Variants in ANAPC1 observed in about 807,000 individuals in gnomAD.
ANAPC1 encodes the protein anaphase promoting complex subunit 1.
A neutral mutation model predicts 208.0 loss-of-function variants in ANAPC1; 36 were observed. The ratio of observed to expected loss-of-function variants is 0.17; its 90% CI spans 0.13 to 0.23. ANAPC1 has a LOEUF of 0.23. Ranked by LOEUF, ANAPC1 falls within the 10% of genes least tolerant of loss-of-function variation. The pLI, the probability that ANAPC1 is intolerant of heterozygous loss-of-function variation, is 1.00. For missense variants in ANAPC1, 942 were observed against 2,011.6 expected (o/e 0.47, Z 10.17); for synonymous variants, 378 against 695.2 (o/e 0.54, Z 7.18).
At chr2:111,816,745 A>T (rs1402879320) in intron 27 of ANAPC1, among the ~76,000 whole-genome samples, 2 of 140,110 alleles carry the variant, frequency 1.4e-5, no homozygotes, top group African/African-American at 5.4e-5. Flanking sequence ...GAGTTCTAAG[A>T]TGTTATGTAA....
intron 2 of ANAPC1, 169 bp downstream of exon 2, chr2:111,880,444 G>A (rs1683243634): frequency 2.5e-6 from 3 of 1,178,788 alleles, no homozygotes; most frequent in Non-Finnish European, 3.5e-6. Context: ...AAGTCGCTAT[G>A]ACAATGTAAT....
intron 43 of ANAPC1, among the ~76,000 whole-genome samples, chr2:111,781,544 G>A (rs1162637521): frequency 1.3e-5 from 2 of 152,280 alleles, no homozygotes; most frequent in African/African-American, 2.4e-5. Flanking sequence ...TCCGTACTTG[G>A]AAGAACAAAG....
At chr2:111,851,652 A>G (rs569706170) in intron 13 of ANAPC1, among the ~76,000 whole-genome samples, 76 of 151,874 alleles carry the variant, frequency 5.0e-4, no homozygotes, top group Admixed American at 8.5e-4. Context: ...TAAAAATTAA[A>G]AAAAAAAAAT....
Position 111,817,865 on chromosome 2 carries a change from T to C in ANAPC1, c.3325+975A>G, listed in dbSNP as rs962715700. Among the ~76,000 whole-genome samples, 6 of 111,810 alleles carry C rather than the reference T, an allele frequency of 5.4e-5. 1 individual carries two copies. The highest frequency in any genetic ancestry group is 1.6e-4 in the African/African-American group (5 of 31,830). 73.4% of individuals were successfully genotyped at this position (111,810 alleles called of 152,430 possible). A position where few individuals can be genotyped will look rare whatever the true frequency, so the allele number is the denominator to read the frequency against. On this transcript the variant is annotated intron_variant, in intron 27 of 47. Transcript: ENST00000341068. Reference sequence around the variant, plus strand: ...TTCAGTGATAATTTCAACTATGTAATTGTCACCTTTAGAACACATTCAAAT... The same window carrying C: ...TTCAGTGATAATTTCAACTATGTAACTGTCACCTTTAGAACACATTCAAAT...
intron 18 of ANAPC1, among the ~76,000 whole-genome samples, chr2:111,836,334 T>C (rs565441273): frequency 1.3e-4 from 19 of 151,862 alleles, no homozygotes; most frequent in African/African-American, 4.3e-4. Flanking sequence ...ATGTGAATTT[T>C]AATTTAAAAG....
At chr2:111,833,757 A>G (rs1680317521) in intron 19 of ANAPC1, among the ~76,000 whole-genome samples, 2 of 151,940 alleles carry the variant, frequency 1.3e-5, no homozygotes. Context: ...TATGGTTTGG[A>G]AATTACTTAA....
intron 17 of ANAPC1, among the ~76,000 whole-genome samples, chr2:111,839,706 A>G (rs1202909681): frequency 1.3e-5 from 2 of 152,226 alleles, no homozygotes; most frequent in Non-Finnish European, 2.9e-5. Flanking sequence ...AGCAACAAAT[A>G]TAACAGTAAC....
intron 21 of ANAPC1, among the ~76,000 whole-genome samples, chr2:111,829,495 G>A (rs1234352782): frequency 6.6e-6 from 1 of 152,066 alleles, no homozygotes; most frequent in Admixed American, 6.6e-5. Flanking sequence ...ACCTGGAAAG[G>A]CCCACAAGGG....
At chr2:111,866,920 T>C (rs1012139914) in intron 7 of ANAPC1, among the ~76,000 whole-genome samples, 15 of 152,096 alleles carry the variant, frequency 9.9e-5, no homozygotes, top group Admixed American at 7.2e-4. Flanking sequence ...GATCAAAGAC[T>C]AAATAGGGCA....
intron 6 of ANAPC1, among the ~76,000 whole-genome samples, chr2:111,872,258 T>C (rs1288577397): frequency 6.6e-6 from 1 of 152,228 alleles, no homozygotes; most frequent in African/African-American, 2.4e-5. Context: ...TGGTTTTTAA[T>C]TGTTTATGTG....
Position 111,799,930 on chromosome 2 carries a change from A to G in ANAPC1, c.4296+867T>C, listed in dbSNP as rs1678359575. Among the ~76,000 whole-genome samples, 2 of 86,878 alleles carry G rather than the reference A, an allele frequency of 2.3e-5. 1 individual carries two copies. Among genetic ancestry groups the G allele is most frequent in the Non-Finnish European group, 5.2e-5 (2 of 38,228 alleles). 57.0% of individuals were successfully genotyped at this position (86,878 alleles called of 152,430 possible). A position where few individuals can be genotyped will look rare whatever the true frequency, so the allele number is the denominator to read the frequency against. ...GATAGAGGCTGGTTTCCACAGGTCT[A>G]TGTGTTAGTCAAATCTTATCCAATA... On this transcript the variant is annotated intron_variant, in intron 34 of 47. Coordinates refer to ENST00000341068, the MANE Select transcript of ANAPC1 (RefSeq NM_022662.4).
In ANAPC1 at chr2:111,769,146, C is replaced by G; in HGVS notation, c.*145G>C. 3.4e-6 allele frequency: 2 copies of G among 586,114 alleles called. No homozygotes were observed. Among genetic ancestry groups the G allele is most frequent in the Middle Eastern group, 9.5e-4 (2 of 2,116 alleles). The allele number at this position is 586,114 out of a possible 1,614,324, so 36.3% of individuals were successfully genotyped here. A position where few individuals can be genotyped will look rare whatever the true frequency, so the allele number is the denominator to read the frequency against. On this transcript the variant is annotated 3_prime_UTR_variant, in exon 48 of 48. Transcript: ENST00000341068. ...CATATACCGTTAATGATGACAGCAA[C>G]AGATTTAAAATACATTGAGGTTTGT...
intron 9 of ANAPC1, among the ~76,000 whole-genome samples, chr2:111,863,309 C>T (rs1191242020): frequency 6.6e-6 from 1 of 151,610 alleles, no homozygotes; most frequent in Non-Finnish European, 1.5e-5. Context: ...GAGATCGAGA[C>T]CATCCTGGCT....
Position 111,863,807 on chromosome 2 carries a change from C to T in ANAPC1, c.920G>A (p.Ser307Asn). The change falls in exon 9 of 48, where the codon AGC (serine) becomes AAC (asparagine). Residue 307 changes from serine to asparagine, a missense_variant. Transcript: ENST00000341068. ...TSSSLTAHLR[S>N]LSKGDSPVTS... Reference sequence around the variant, plus strand: ...CACAGGGGAATCTCCTTTGGAGAGGCTTCTGAGATGTGCTGTGAGGGAGCT... The same window carrying T: ...CACAGGGGAATCTCCTTTGGAGAGGTTTCTGAGATGTGCTGTGAGGGAGCT... 2 of 1,613,822 alleles carry T rather than the reference C, an allele frequency of 1.2e-6. No homozygotes were observed. Among genetic ancestry groups the T allele is most frequent in the South Asian group, 2.2e-5 (2 of 91,070 alleles).
At chr2:111,791,793 G>A (rs1677888373) in intron 38 of ANAPC1, among the ~76,000 whole-genome samples, 1 of 151,700 alleles carries the variant, frequency 6.6e-6, no homozygotes, top group Non-Finnish European at 1.5e-5. Flanking sequence ...AGAGACGGGT[G>A]CTGTGAGTTG....
chr2:111,823,813 T>C (rs1401553330), intron 24 of ANAPC1, among the ~76,000 whole-genome samples: 3 of 151,254 alleles, frequency 2.0e-5, no homozygotes, highest in Non-Finnish European at 3.0e-5. Flanking sequence ...CACTATAACA[T>C]TGGGGTGTGT....
intron 9 of ANAPC1, among the ~76,000 whole-genome samples, chr2:111,863,422 G>A (rs1428780931): frequency 1.3e-5 from 2 of 149,956 alleles, no homozygotes; most frequent in Non-Finnish European, 2.9e-5. Context: ...TGAGGCAGGA[G>A]AATGGCATGA....
chr2:111,860,335 A>G (rs924093291), intron 10 of ANAPC1, among the ~76,000 whole-genome samples: 57 of 150,884 alleles, frequency 3.8e-4, no homozygotes, highest in African/African-American at 1.4e-3. Flanking sequence ...CTGGGGCAAG[A>G]TGTCATGAAA....
chr2:111,876,293 G>A (rs1379807384), intron 3 of ANAPC1, among the ~76,000 whole-genome samples: 1 of 151,700 alleles, frequency 6.6e-6, no homozygotes, highest in Non-Finnish European at 1.5e-5. Flanking sequence ...TTGCAGGATA[G>A]GTAAAACAAT....
Sources: allele counts gnomAD v4.1 joint callset (sites outside exome capture counted in the v4.1 genomes callset), GRCh38; gene constraint gnomAD v4.1.1; transcripts MANE v1.5; gene names NCBI Gene and HGNC (gene_info 2026-07-23, HGNC 2026-07-21).